Variants in NAALADL2 observed in about 807,000 individuals in gnomAD.
NAALADL2 encodes inactive N-acetylated-alpha-linked acidic dipeptidase-like protein 2.
A neutral mutation model predicts 87.2 loss-of-function variants in NAALADL2; 76 were observed. The observed-to-expected ratio is 0.87, with a 90% CI of 0.72 to 1.05. The LOEUF (loss-of-function observed/expected upper bound fraction) is 1.05. Ranked by LOEUF, NAALADL2 falls within the 50% of genes least tolerant of loss-of-function variation. NAALADL2 has a pLI of 0.00. For missense variants in NAALADL2, 1,089 were observed against 945.8 expected (o/e 1.15, Z -1.99); for synonymous variants, 354 against 331.0 (o/e 1.07, Z -0.75).
chr3:174,898,183 G>A (rs900722143), intron 1 of NAALADL2, among the ~76,000 whole-genome samples: 1 of 147,184 alleles, frequency 6.8e-6, no homozygotes, highest in Non-Finnish European at 1.5e-5. Flanking sequence ...AATAACATGG[G>A]CAGAATTGGA....
chr3:175,211,715 T>C (rs937763447), intron 2 of NAALADL2, among the ~76,000 whole-genome samples: 9 of 152,124 alleles, frequency 5.9e-5, no homozygotes, highest in Admixed American at 4.6e-4. Context: ...TATATGGGAC[T>C]TGCTTGATTA....
chr3:175,448,877 T>C (rs2149227728), intron 6 of NAALADL2, among the ~76,000 whole-genome samples: 1 of 151,994 alleles, frequency 6.6e-6, no homozygotes, highest in Admixed American at 6.5e-5. Context: ...ACTAGACTAA[T>C]TTAAAAAGTA....
intron 2 of NAALADL2, among the ~76,000 whole-genome samples, chr3:175,217,775 C>T (rs939892471): frequency 6.6e-6 from 1 of 152,122 alleles, no homozygotes; most frequent in Non-Finnish European, 1.5e-5. Context: ...AGAAGCCAAA[C>T]AAGGATTTGG....
intron 1 of NAALADL2, among the ~76,000 whole-genome samples, chr3:174,981,398 T>C (rs967097032): frequency 3.3e-5 from 5 of 152,242 alleles, no homozygotes; most frequent in African/African-American, 1.2e-4. Flanking sequence ...AGTTAATATG[T>C]GGCCATGTAA....
At chr3:175,513,245 A>C (rs1401358844) in intron 9 of NAALADL2, among the ~76,000 whole-genome samples, 1 of 152,190 alleles carries the variant, frequency 6.6e-6, no homozygotes, top group Non-Finnish European at 1.5e-5. Context: ...TAAAAGAAAA[A>C]CGGTCTAGAC....
intron 1 of NAALADL2, among the ~76,000 whole-genome samples, chr3:174,886,113 C>T (rs1052511085): frequency 6.6e-5 from 10 of 151,606 alleles, no homozygotes. Flanking sequence ...TGGGGTTTCA[C>T]CATGTTAGCC....
chr3:175,314,370 T>G (rs1014488662), intron 4 of NAALADL2, among the ~76,000 whole-genome samples: 2 of 151,008 alleles, frequency 1.3e-5, no homozygotes, highest in Admixed American at 6.6e-5. Context: ...ACATTCAAAC[T>G]TCGTTGGGCT....
intron 1 of NAALADL2, among the ~76,000 whole-genome samples, chr3:174,996,648 T>A (rs1747505145): frequency 6.6e-6 from 1 of 152,174 alleles, no homozygotes; most frequent in Non-Finnish European, 1.5e-5. Context: ...AATTTTCTTT[T>A]ATTTCAACAG....
At chr3:174,701,172 T>A (rs1185182578) in intron 2 of NAALADL2, among the ~76,000 whole-genome samples, 1 of 151,196 alleles carries the variant, frequency 6.6e-6, no homozygotes, top group Non-Finnish European at 1.5e-5. Context: ...TTCATAATCA[T>A]AAGTAATATT....
intron 11 of NAALADL2, among the ~76,000 whole-genome samples, chr3:175,633,758 T>G (rs1171457084): frequency 1.3e-5 from 2 of 151,752 alleles, no homozygotes; most frequent in African/African-American, 4.8e-5. Flanking sequence ...TCCTTATTTT[T>G]CAATGGCATA....
chr3:174,674,295 C>G (rs917046516), intron 2 of NAALADL2, among the ~76,000 whole-genome samples: 4 of 151,998 alleles, frequency 2.6e-5, no homozygotes, highest in African/African-American at 9.7e-5. Context: ...ACACCTCCCT[C>G]CAGACCCCAC....
intron 1 of NAALADL2, among the ~76,000 whole-genome samples, chr3:174,899,116 C>T (rs903516840): frequency 2.0e-5 from 3 of 152,134 alleles, no homozygotes; most frequent in African/African-American, 2.4e-5. Context: ...AGAACCTCAG[C>T]GAACATTAAA....
chr3:175,319,089 G>A (rs1759515384), intron 4 of NAALADL2, among the ~76,000 whole-genome samples: 1 of 152,186 alleles, frequency 6.6e-6, no homozygotes, highest in Non-Finnish European at 1.5e-5. Context: ...TCCCCCACAT[G>A]GGTGGGGGTG....
At chr3:174,516,061 T>TCTTTTGAA (rs147388395) in intron 1 of NAALADL2, among the ~76,000 whole-genome samples, 1 of 152,054 alleles carries the variant, frequency 6.6e-6, no homozygotes. Flanking sequence ...ATTTTCATAC[T>TCTTTTGAA]GTTGTACAAC....
chr3:174,863,364 G>A (rs769116223), intron 1 of NAALADL2, among the ~76,000 whole-genome samples: 2 of 151,978 alleles, frequency 1.3e-5, no homozygotes, highest in Admixed American at 6.6e-5. Flanking sequence ...AAGCATTGTC[G>A]AGTATTCAGT....
chr3:175,801,910 C>G (rs1754199954), intron 13 of NAALADL2, among the ~76,000 whole-genome samples: 1 of 152,022 alleles, frequency 6.6e-6, no homozygotes, highest in Admixed American at 6.6e-5. Context: ...TTACAGGGCA[C>G]TATCTTATTA....
chr3:175,791,749 T>C (rs983094887), intron 13 of NAALADL2, among the ~76,000 whole-genome samples: 3 of 151,876 alleles, frequency 2.0e-5, no homozygotes, highest in East Asian at 1.9e-4. Flanking sequence ...ATATAGTATA[T>C]TGTATATAAA....
chr3:174,922,971 C>A (rs1735456040), intron 1 of NAALADL2, among the ~76,000 whole-genome samples: 1 of 152,060 alleles, frequency 6.6e-6, no homozygotes, highest in Non-Finnish European at 1.5e-5. Flanking sequence ...TTCCCTTGTT[C>A]ATTAGAAAGT....
chr3:175,330,101 T>C (rs891800164), intron 5 of NAALADL2, among the ~76,000 whole-genome samples: 1 of 152,296 alleles, frequency 6.6e-6, no homozygotes. Flanking sequence ...GTTTGTTTAG[T>C]TTAAGAACTA....
Sources: allele counts gnomAD v4.1 joint callset (sites outside exome capture counted in the v4.1 genomes callset), GRCh38; gene constraint gnomAD v4.1.1; transcripts MANE v1.5; gene names NCBI Gene and HGNC (gene_info 2026-07-23, HGNC 2026-07-21).